The following CDH2 variants were observed in gnomAD, a reference collection of about 807,000 sequenced individuals.
CDH2 encodes cadherin 2.
Under a neutral mutation model 92.0 loss-of-function variants are expected in CDH2, and 17 were observed. That is an observed-to-expected ratio of 0.18 (90% confidence interval 0.13 to 0.28). The LOEUF is 0.28. Among genes scored for constraint, CDH2 ranks in the 10% least tolerant of loss-of-function variants. The probability of loss-of-function intolerance (pLI) is 1.00; values close to 1 mark genes in which losing one functional copy is unlikely to be tolerated. For synonymous variants in CDH2, 419 were observed against 415.9 expected, an observed-to-expected ratio of 1.01 and a Z score of -0.09; for missense variants, 862 against 1,133.1, an observed-to-expected ratio of 0.76 and a Z score of 3.44.
chr18:28,055,801 T>C (rs1265341029), intron 2 of CDH2, among the ~76,000 whole-genome samples: 1 of 152,194 alleles, frequency 6.6e-6, no homozygotes, highest in Admixed American at 6.5e-5. Flanking sequence ...ATATATTATA[T>C]TTGGGTCTAT....
chr18:28,084,268 T>C (rs1373138), intron 2 of CDH2, among the ~76,000 whole-genome samples: 28,418 of 152,146 alleles, frequency 0.19, 2,969 homozygotes, highest in East Asian at 0.36. Context: ...GCAGAGCCTC[T>C]AAAAATGTCA....
chr18:27,966,150 T>C (rs2011530689), intron 14 of CDH2, among the ~76,000 whole-genome samples: 1 of 152,050 alleles, frequency 6.6e-6, no homozygotes, highest in Admixed American at 6.5e-5. Context: ...TCTTATTCAA[T>C]TACCAAAGCT....
intron 2 of CDH2, among the ~76,000 whole-genome samples, chr18:28,028,670 C>T (rs1350142909): frequency 6.6e-6 from 1 of 151,926 alleles, no homozygotes; most frequent in Non-Finnish European, 1.5e-5. Flanking sequence ...GCAAATTGAA[C>T]AAAAAGATCA....
chr18:27,934,662 G>A (rs1328451192), intron 6 of CDH2, among the ~76,000 whole-genome samples: 1 of 152,092 alleles, frequency 6.6e-6, no homozygotes, highest in African/African-American at 2.4e-5. Flanking sequence ...TCACACAGCT[G>A]TGTTTTCTTT....
chr18:28,005,817 A>T, intron 6 of CDH2, 32 bp downstream of exon 6: 1 of 1,566,900 alleles, frequency 6.4e-7, no homozygotes, highest in Non-Finnish European at 8.7e-7. Context: ...ACTTTCCTCA[A>T]GTCATCTTCA....
chr18:27,955,761 G>GTTTTTTTTTTTTTTTTTTTTTTTTTT lies in CDH2; in HGVS notation c.2515-3403_2515-3402insAAAAAAAAAAAAAAAAAAAAAAAAAA, dbSNP rs5823568. Among the ~76,000 whole-genome samples, 22 of 111,710 alleles carry GTTTTTTTTTTTTTTTTTTTTTTTTTT rather than the reference G, an allele frequency of 2.0e-4. 2 individuals carry two copies. Among genetic ancestry groups the GTTTTTTTTTTTTTTTTTTTTTTTTTT allele is most frequent in the East Asian group, 5.6e-4 (2 of 3,584 alleles). The allele number at this position is 111,710 out of a possible 152,430, so 73.3% of individuals were successfully genotyped here. A position where few individuals can be genotyped will look rare whatever the true frequency, so the allele number is the denominator to read the frequency against. ...ACAAATCTCTGTTTTCTTTATTTCT[G>GTTTTTTTTTTTTTTTTTTTTTTTTTT]TTTTTTTTTTTTTTTTTTTAAAGAG... On this transcript the variant is annotated intron_variant, in intron 15 of 15. Transcript: ENST00000269141.
intron 2 of CDH2, among the ~76,000 whole-genome samples, chr18:28,072,837 T>C (rs1459517829): frequency 1.3e-5 from 2 of 152,230 alleles, no homozygotes; most frequent in Non-Finnish European, 2.9e-5. Context: ...ACAACATATG[T>C]TCAAAATAAA....
intron 1 of CDH2, among the ~76,000 whole-genome samples, chr18:28,154,531 C>T (rs1192656942): frequency 1.3e-5 from 2 of 152,230 alleles, no homozygotes; most frequent in African/African-American, 2.4e-5. Flanking sequence ...AGGAGTTCTG[C>T]TTGCCTGTGA....
intron 5 of CDH2, 30 bp downstream of exon 5, chr18:28,009,667 GACATTTAGAACTGTTAATAC>G: frequency 6.4e-7 from 1 of 1,558,650 alleles, no homozygotes; most frequent in Non-Finnish European, 8.8e-7. Flanking sequence ...AAACTCTGCA[GACATTTAGAACTGTTAATAC>G]ACAGAATTAT....
chr18:28,046,300 A>T (rs898446779), intron 2 of CDH2, among the ~76,000 whole-genome samples: 1 of 152,240 alleles, frequency 6.6e-6, no homozygotes, highest in African/African-American at 2.4e-5. Flanking sequence ...TAACTTCCTT[A>T]GTAGGTAACT....
At chr18:28,063,025 GT>G (rs918865469) in intron 2 of CDH2, among the ~76,000 whole-genome samples, 1 of 152,062 alleles carries the variant, frequency 6.6e-6, no homozygotes, top group Non-Finnish European at 1.5e-5. Flanking sequence ...TTAAAACTAT[GT>G]TATAATAGCA....
Position 28,057,977 on chromosome 18 carries a change from T to C in CDH2, c.173-44068A>G, listed in dbSNP as rs1223428962. Reference sequence around the variant, plus strand: ...ATTGTTCTAGAATTGCTAAGGTGGTTTGTGACCCCTGTTTGGTTTTTCAAA... The same window carrying C: ...ATTGTTCTAGAATTGCTAAGGTGGTCTGTGACCCCTGTTTGGTTTTTCAAA... On this transcript the variant is annotated intron_variant, in intron 2 of 15. Transcript: ENST00000269141. 2.6e-5 allele frequency among the ~76,000 whole-genome samples: 4 copies of C among 152,186 alleles called. No individual in the cohort carries two copies. In the East Asian group the frequency reaches 7.7e-4, roughly 29 times the overall value.
intron 2 of CDH2, among the ~76,000 whole-genome samples, chr18:28,065,385 T>C (rs2014487349): frequency 6.6e-6 from 1 of 152,176 alleles, no homozygotes; most frequent in African/African-American, 2.4e-5. Context: ...GAATTTTAAT[T>C]ACCAAAGAAG....
intron 14 of CDH2, among the ~76,000 whole-genome samples, chr18:27,979,126 A>G (rs184714755): frequency 3.9e-5 from 6 of 152,364 alleles, no homozygotes; most frequent in Non-Finnish European, 5.9e-5. Flanking sequence ...AACAAGGAAC[A>G]CATATCTATA....
At chr18:28,124,122 A>G (rs1248002147) in intron 2 of CDH2, among the ~76,000 whole-genome samples, 1 of 149,278 alleles carries the variant, frequency 6.7e-6, no homozygotes, top group East Asian at 2.0e-4. Flanking sequence ...GCCTGTAGTG[A>G]TTTTTTTTTT....
chr18:28,132,274 A>C (rs1016159658), intron 2 of CDH2, among the ~76,000 whole-genome samples: 1 of 152,200 alleles, frequency 6.6e-6, no homozygotes, highest in Non-Finnish European at 1.5e-5. Flanking sequence ...TACACAATCA[A>C]TGGTGCTTAT....
In CDH2 at chr18:27,939,852, G is replaced by A. The variant is rs184128114; in HGVS notation, c.1152-6728C>T. 2.0e-3 allele frequency among the ~76,000 whole-genome samples: 309 copies of A among 152,258 alleles called. 2 individuals carry two copies. The highest frequency in any genetic ancestry group is 0.016 in the South Asian group (77 of 4,820). On this transcript the variant is annotated intron_variant, in intron 6 of 6. Transcript: ENST00000675173. ...CTTTCCCATTTCTGATAGTACTGCT[G>A]GCAGATGGCCCTCAGTTGTCAGCCC...
chr18:28,077,478 T>C (rs1372753920), intron 2 of CDH2, among the ~76,000 whole-genome samples: 1 of 152,142 alleles, frequency 6.6e-6, no homozygotes, highest in Admixed American at 6.5e-5. Context: ...CATCTGTCAG[T>C]GTGGTCTGAA....
rs1339510496 is a variant in CDH2, at chr18:28,050,788, G to C, written c.173-36879C>G. ...CAAGGAGAGGCCTCTGGGGATGCCT[G>C]AAAGCTCTCTTCTTGCACAGGAGAA... On this transcript the variant is annotated intron_variant, in intron 2 of 15. Coordinates refer to ENST00000269141, the MANE Select transcript of CDH2 (RefSeq NM_001792.5). 2.0e-5 allele frequency among the ~76,000 whole-genome samples: 3 copies of C among 152,146 alleles called. No individual in the cohort carries two copies. The East Asian group carries it at 5.8e-4, about 29-fold the overall frequency.
Sources: allele counts gnomAD v4.1 joint callset (sites outside exome capture counted in the v4.1 genomes callset), GRCh38; gene constraint gnomAD v4.1.1; transcripts MANE v1.5; gene names NCBI Gene and HGNC (gene_info 2026-07-23, HGNC 2026-07-21).